PRTG: variants seen among roughly 807,000 people sequenced by gnomAD.
PRTG encodes immunoglobulin superfamily, DCC subclass, member 5.
Under a neutral mutation model 122.5 loss-of-function variants are expected in PRTG, and 67 were observed. That is an observed-to-expected ratio of 0.55 (90% confidence interval 0.45 to 0.67). The LOEUF (loss-of-function observed/expected upper bound fraction) is 0.67. Among genes scored for constraint, PRTG ranks in the 30% least tolerant of loss-of-function variants. The pLI is 0.00. For synonymous variants in PRTG, 554 were observed against 501.1 expected, an observed-to-expected ratio of 1.11 and a Z score of -1.41; for missense variants, 1,435 against 1,415.4, an observed-to-expected ratio of 1.01 and a Z score of -0.22.
At chr15:55,724,993 A>G (rs1376271699) in intron 2 of PRTG, among the ~76,000 whole-genome samples, 1 of 152,230 alleles carries the variant, frequency 6.6e-6, no homozygotes, top group African/African-American at 2.4e-5. Context: ...GACCACTGGT[A>G]AATGTCACTA....
chr15:55,732,033 G>T (rs2031251298), intron 2 of PRTG, among the ~76,000 whole-genome samples: 1 of 152,182 alleles, frequency 6.6e-6, no homozygotes, highest in Admixed American at 6.5e-5. Context: ...GGCAGCAACT[G>T]TAACACAATG....
intron 2 of PRTG, among the ~76,000 whole-genome samples, chr15:55,705,075 T>A (rs1341764400): frequency 1.3e-5 from 2 of 152,218 alleles, no homozygotes; most frequent in African/African-American, 4.8e-5. Context: ...TAATATTACT[T>A]TTATTTATAA....
chr15:55,723,484 GA>G lies in PRTG; in HGVS notation c.397+16897del, dbSNP rs1431909265. The stretch of plus-strand genomic sequence containing the variant: ...TATGCATTATGGGAAGCCCAGAAGG[GA>G]AAAAGAAAGAGAAAGAGGCAGAAAG... On this transcript the variant is annotated intron_variant, in intron 2 of 19. Transcript: ENST00000389286. Among the ~76,000 whole-genome samples, 8 of 151,270 alleles carry G rather than the reference GA, an allele frequency of 5.3e-5. No individual in the cohort carries two copies. In the South Asian group the frequency reaches 1.7e-3, roughly 32 times the overall value.
chr15:55,622,923 T>C lies in PRTG; in HGVS notation c.3093+1419A>G, dbSNP rs186900382. On this transcript the variant is annotated intron_variant, in intron 18 of 19. Transcript: ENST00000389286. ...AATAAGTTGAATGGCTTAATTTGTA[T>C]TGAAAAGTAAAACCTAAATTAGGCT... Among the ~76,000 whole-genome samples, 9 of 152,262 alleles carry C rather than the reference T, an allele frequency of 5.9e-5. 1 individual carries two copies. Among genetic ancestry groups the C allele is most frequent in the Admixed American group, 4.6e-4 (7 of 15,284 alleles).
intron 2 of PRTG, among the ~76,000 whole-genome samples, chr15:55,721,009 T>G (rs1307737053): frequency 1.3e-5 from 2 of 151,998 alleles, no homozygotes; most frequent in African/African-American, 4.8e-5. Flanking sequence ...CCAGCCAAAT[T>G]CATTACCTTG....
At chr15:55,720,006 C>A (rs1359920785) in intron 2 of PRTG, among the ~76,000 whole-genome samples, 1 of 151,996 alleles carries the variant, frequency 6.6e-6, no homozygotes, top group Admixed American at 6.6e-5. Context: ...TTGCAGTGAG[C>A]CAAGATTGTG....
intron 15 of PRTG, 27 bp from the exon 16 acceptor site, chr15:55,629,031 G>A: frequency 6.7e-7 from 1 of 1,496,232 alleles, no homozygotes; most frequent in Non-Finnish European, 9.1e-7. Context: ...TACAAATTAA[G>A]TGAACATTTA....
chr15:55,671,504 C>CT (rs1468283847), intron 11 of PRTG, among the ~76,000 whole-genome samples: 5 of 151,610 alleles, frequency 3.3e-5, no homozygotes, highest in Admixed American at 1.3e-4. Context: ...TTTCTTTTTT[C>CT]TTTTTTTTGA....
chr15:55,741,617 T>C (rs868131721), intron 1 of PRTG, among the ~76,000 whole-genome samples: 6 of 152,176 alleles, frequency 3.9e-5, no homozygotes, highest in African/African-American at 4.8e-5. Flanking sequence ...CACGTATTGA[T>C]TGGGGGTGAA....
intron 2 of PRTG, among the ~76,000 whole-genome samples, chr15:55,718,096 C>T (rs1446315604): frequency 1.6e-4 from 24 of 152,056 alleles, no homozygotes; most frequent in Admixed American, 1.5e-3. Context: ...CTCTCTTCTC[C>T]AACCTCTCTC....
intron 2 of PRTG, among the ~76,000 whole-genome samples, chr15:55,684,595 A>T (rs1362808352): frequency 6.6e-6 from 1 of 152,212 alleles, no homozygotes; most frequent in East Asian, 1.9e-4. Context: ...GCATGTCCTG[A>T]TATTAGCAAT....
intron 9 of PRTG, 32 bp downstream of exon 9, chr15:55,675,487 T>C (rs2059497541): frequency 6.8e-7 from 1 of 1,474,592 alleles, no homozygotes; most frequent in Non-Finnish European, 9.3e-7. Context: ...CGAATGTTCA[T>C]ACTGAAATGA....
rs187578403 is a variant in PRTG at position 55,636,057 on chromosome 15, G to T, written c.2623+1113C>A. On this transcript the variant is annotated intron_variant, in intron 15 of 19. Transcript: ENST00000389286. ...TAAAGATTCAAGATTTAGGCTGGGC[G>T]TGGTGGTGTGCATGCCTGTAATCCC... 2.1e-3 allele frequency among the ~76,000 whole-genome samples: 325 copies of T among 151,910 alleles called. 2 individuals are homozygous for T. Among genetic ancestry groups the T allele is most frequent in the Admixed American group, 4.3e-3 (66 of 15,250 alleles).
chr15:55,617,517 G>A lies in PRTG; in HGVS notation c.*2495C>T, dbSNP rs969635188. 1.3e-4 allele frequency: 19 copies of A among 151,828 alleles called. No individual in the cohort carries two copies. The highest frequency in any genetic ancestry group is 2.4e-4 in the Non-Finnish European group (16 of 67,958). 9.4% of individuals were successfully genotyped at this position (151,828 alleles called of 1,614,324 possible). On this transcript the variant is annotated 3_prime_UTR_variant, in exon 20 of 20. Transcript: ENST00000389286. ...GCTTCTAGTTAATTCAATTTGGGGG[G>A]AATTATAATCAAAATTTTATTTTCT...
rs953173912 is a variant in PRTG, at chr15:55,619,310, T to C, written c.*702A>G. The C allele has an allele frequency of 1.3e-5, 2 of 152,196 alleles. No homozygotes were observed. The highest frequency in any genetic ancestry group is 2.4e-5 in the African/African-American group (1 of 41,450). 9.4% of individuals were successfully genotyped at this position (152,196 alleles called of 1,614,324 possible). On this transcript the variant is annotated 3_prime_UTR_variant, in exon 20 of 20. Coordinates refer to ENST00000389286, the MANE Select transcript of PRTG (RefSeq NM_173814.6). ...TTGTTTTGGTCATCGTTAGAAGAAATAGCCCCACTTTTCCTCTTCTCAGTG... is the reference window on the plus strand; with the variant it reads ...TTGTTTTGGTCATCGTTAGAAGAAACAGCCCCACTTTTCCTCTTCTCAGTG...
intron 11 of PRTG, among the ~76,000 whole-genome samples, chr15:55,648,883 C>G (rs1285775378): frequency 1.3e-5 from 2 of 151,476 alleles, no homozygotes; most frequent in Non-Finnish European, 2.9e-5. Flanking sequence ...CGGATTATGA[C>G]GTCAGGAGTT....
chr15:55,697,179 C>T (rs1317338622), intron 2 of PRTG, among the ~76,000 whole-genome samples: 1 of 152,210 alleles, frequency 6.6e-6, no homozygotes, highest in Non-Finnish European at 1.5e-5. Context: ...GGGCCACTCA[C>T]TGCTTTTCAG....
At chr15:55,733,380 C>T (rs2031302606) in intron 2 of PRTG, among the ~76,000 whole-genome samples, 1 of 151,962 alleles carries the variant, frequency 6.6e-6, no homozygotes, top group South Asian at 2.1e-4. Context: ...CATGGTGGCG[C>T]ATGCCTGTAA....
chr15:55,742,341 G>A (rs1041884925), intron 1 of PRTG: 1 of 153,228 alleles, frequency 6.5e-6, no homozygotes, highest in Non-Finnish European at 1.5e-5. Context: ...GCCCTAAAAA[G>A]TGGGGGAACT....
Sources: gnomAD v4.1 joint callset for allele counts (sites outside exome capture counted in the v4.1 genomes callset) on GRCh38, gnomAD v4.1.1 for gene constraint, MANE v1.5 for transcripts, NCBI Gene and HGNC (gene_info 2026-07-23, HGNC 2026-07-21) for gene names.